The following PAPPA variants were observed in gnomAD, a reference collection of about 807,000 sequenced individuals.
PAPPA encodes the protein pappalysin-1.
A neutral mutation model predicts 164.0 loss-of-function variants in PAPPA; 60 were observed. The observed-to-expected ratio is 0.37, with a 90% CI of 0.30 to 0.45. PAPPA has a LOEUF of 0.45. Among genes scored for constraint, PAPPA ranks in the 20% least tolerant of loss-of-function variants. The pLI is 1.00. For missense variants in PAPPA, 1,782 were observed against 2,087.3 expected (o/e 0.85, Z 2.85); for synonymous variants, 875 against 814.1 (o/e 1.07, Z -1.27).
In PAPPA at chr9:116,187,386, GGT is replaced by G; in HGVS notation, c.650_651del (p.Val217GlyfsTer54). On this transcript the variant is annotated frameshift_variant, in exon 2 of 22. Transcript: ENST00000328252. LOFTEE classifies it high-confidence loss of function. This position sits in a 1 kb window ranked among gnomAD's most constrained non-coding sequence, Gnocchi z 4.2. Reference sequence around the variant, plus strand: ...TGAAGCTCTATGTGAATGGTGCCCAGGTGGCCACCTCTGGGGAACAAGTGGGT... The same window carrying G: ...TGAAGCTCTATGTGAATGGTGCCCAGGGCCACCTCTGGGGAACAAGTGGGT... ...FMKLYVNGAQ[V>X]ATSGEQVGGI... 6.2e-7 allele frequency: 1 copy of G among 1,614,104 alleles called. No individual in the cohort carries two copies.
intron 7 of PAPPA, among the ~76,000 whole-genome samples, chr9:116,239,614 T>G (rs768374777): frequency 6.6e-6 from 1 of 152,206 alleles, no homozygotes; most frequent in Non-Finnish European, 1.5e-5. Flanking sequence ...TTTCCTCTGC[T>G]TTAAGTGCCT....
chr9:116,200,261 T>C (rs764426910), intron 2 of PAPPA, among the ~76,000 whole-genome samples: 6 of 152,220 alleles, frequency 3.9e-5, no homozygotes, highest in Non-Finnish European at 7.3e-5. Flanking sequence ...GTTTATTCTT[T>C]ATGTGAAAAC....
At chr9:116,225,595 C>A (rs943338347) in intron 5 of PAPPA, among the ~76,000 whole-genome samples, 1 of 152,098 alleles carries the variant, frequency 6.6e-6, no homozygotes, top group Non-Finnish European at 1.5e-5. Context: ...ATAAATATTT[C>A]TGCAATAACT....
chr9:116,349,434 A>G (rs1360053712), intron 15 of PAPPA, among the ~76,000 whole-genome samples: 1 of 152,176 alleles, frequency 6.6e-6, no homozygotes, highest in Non-Finnish European at 1.5e-5. Context: ...AGTAACGAAT[A>G]TACAAGATAC....
chr9:116,362,617 GC>G lies in PAPPA; in HGVS notation c.4375del (p.Arg1459GlyfsTer40), dbSNP rs1442691700. ...SQGLGSNVIHCRKDGTWNGSF... is the reference protein window; with the variant it reads ...SQGLGSNVIHXRKDGTWNGSF... ...GGACTTGGGAGCAATGTCATTCATT[GC>G]CGGAAAGATGGCACCTGGAACGGCT... On this transcript the variant is annotated frameshift_variant, in exon 18 of 22. Transcript: ENST00000328252. LOFTEE classifies it high-confidence loss of function. The G allele has an allele frequency of 6.2e-7, 1 of 1,614,000 alleles. No individual in the cohort carries two copies. Among genetic ancestry groups the G allele is most frequent in the Admixed American group, 1.7e-5 (1 of 60,014 alleles).
chr9:116,316,870 G>A (rs1564222762), intron 10 of PAPPA, among the ~76,000 whole-genome samples: 1 of 152,160 alleles, frequency 6.6e-6, no homozygotes, highest in Non-Finnish European at 1.5e-5. Context: ...AAAGCAAAAG[G>A]AAGAGAGCGA....
chr9:116,216,280 T>A (rs557009387), intron 4 of PAPPA, among the ~76,000 whole-genome samples: 1 of 152,258 alleles, frequency 6.6e-6, no homozygotes, highest in African/African-American at 2.4e-5. Flanking sequence ...TGGGTGAAAA[T>A]GTGGCTGACG....
In PAPPA at chr9:116,154,008, C is replaced by A; in HGVS notation, c.-165C>A. 1 of 871,800 alleles carries A rather than the reference C, an allele frequency of 1.1e-6. No individual in the cohort carries two copies. Among genetic ancestry groups the A allele is most frequent in the Non-Finnish European group, 1.5e-6 (1 of 675,642 alleles). The allele number at this position is 871,800 out of a possible 1,614,324, so 54.0% of individuals were successfully genotyped here. A position where few individuals can be genotyped will look rare whatever the true frequency, so the allele number is the denominator to read the frequency against. On this transcript the variant is annotated 5_prime_UTR_variant, in exon 1 of 22. Transcript: ENST00000328252. This position sits in a 1 kb window ranked among gnomAD's most constrained non-coding sequence, Gnocchi z 5.2. ...TCAAAGGTGGGGAGAGTGGAGCACA[C>A]ACCTTGAGGAGGAAAGCGAGAAAGA...
At chr9:116,301,216 G>A (rs1845575813) in intron 9 of PAPPA, among the ~76,000 whole-genome samples, 2 of 152,014 alleles carry the variant, frequency 1.3e-5, no homozygotes, top group African/African-American at 4.8e-5. Flanking sequence ...CTTTTGTCTG[G>A]ACATAATTTT....
intron 8 of PAPPA, among the ~76,000 whole-genome samples, chr9:116,270,151 C>T (rs1356974054): frequency 6.6e-6 from 1 of 152,218 alleles, no homozygotes; most frequent in Admixed American, 6.5e-5. Context: ...CCTCCCAACG[C>T]AAAGTGGGAA....
intron 2 of PAPPA, among the ~76,000 whole-genome samples, chr9:116,207,218 C>A (rs972742901): frequency 6.6e-6 from 1 of 152,134 alleles, no homozygotes; most frequent in Non-Finnish European, 1.5e-5. Context: ...CTACCTACCT[C>A]TGTGTTCATA....
intron 13 of PAPPA, 43 bp from the exon 14 acceptor site, chr9:116,344,500 C>G (rs1368258772): frequency 5.0e-6 from 8 of 1,586,694 alleles, no homozygotes; most frequent in African/African-American, 1.3e-5. Context: ...CATAGCTGTC[C>G]TGTGAGGAGA....
intron 16 of PAPPA, 116 bp from the exon 17 acceptor site, chr9:116,353,506 G>GTGGGGAATCAAAAC (rs1202067533): frequency 2.3e-6 from 2 of 887,626 alleles, no homozygotes; most frequent in East Asian, 4.9e-5. Flanking sequence ...AATAGGTCAG[G>GTGGGGAATCAAAAC]TGGGGAATCA....
chr9:116,267,122 A>G (rs1385447210), intron 8 of PAPPA, among the ~76,000 whole-genome samples: 1 of 152,226 alleles, frequency 6.6e-6, no homozygotes, highest in African/African-American at 2.4e-5. Context: ...TAGAACATGA[A>G]TCAACTCGTA....
Position 116,289,325 on chromosome 9 carries a change from G to GGCATATATATGGCATATATATGC in PAPPA, c.2954-13432_2954-13431insGCATATATATGGCATATATATGC, listed in dbSNP as rs1845400136. Among the ~76,000 whole-genome samples the GGCATATATATGGCATATATATGC allele has an allele frequency of 2.0e-4, 14 of 70,352 alleles. No individual in the cohort carries two copies. The East Asian group carries it at 3.9e-3, about 20-fold the overall frequency. 46.2% of individuals were successfully genotyped at this position (70,352 alleles called of 152,430 possible). A position where few individuals can be genotyped will look rare whatever the true frequency, so the allele number is the denominator to read the frequency against. ...ATAGCATATATATGGCATATATATG[G>GGCATATATATGGCATATATATGC]CATATATATAGCATATATATGGCAT... On this transcript the variant is annotated intron_variant, in intron 9 of 21. Transcript: ENST00000328252.
In PAPPA at chr9:116,169,310, C is replaced by CTTTTTTT. The variant is rs563871496; in HGVS notation, c.415+14744_415+14750dup. On this transcript the variant is annotated intron_variant, in intron 1 of 21. Coordinates refer to ENST00000328252, the MANE Select transcript of PAPPA (RefSeq NM_002581.5). ...GTCCTTCGGCCTCTCCAAACCCATT[C>CTTTTTTT]TTTTTTTTTTTTTTTTTTTTTTTTT... is the stretch of plus-strand genomic sequence containing the variant. Among the ~76,000 whole-genome samples, 115 of 52,150 alleles carry CTTTTTTT rather than the reference C, an allele frequency of 2.2e-3. 24 individuals carry two copies. The highest frequency in any genetic ancestry group is 6.9e-3 in the African/African-American group (95 of 13,726). 34.2% of individuals were successfully genotyped at this position (52,150 alleles called of 152,430 possible). A position where few individuals can be genotyped will look rare whatever the true frequency, so the allele number is the denominator to read the frequency against.
intron 21 of PAPPA, among the ~76,000 whole-genome samples, chr9:116,394,223 G>A (rs928668266): frequency 1.3e-5 from 2 of 152,144 alleles, no homozygotes; most frequent in East Asian, 1.9e-4. Context: ...AGGAAAGATC[G>A]TGAAATACGA....
At chr9:116,209,171 G>T (rs556948200) in intron 3 of PAPPA, among the ~76,000 whole-genome samples, 1 of 152,158 alleles carries the variant, frequency 6.6e-6, no homozygotes, top group Non-Finnish European at 1.5e-5. Flanking sequence ...AGAAGAGAGC[G>T]TGCAGCTTAG....
chr9:116,180,174 G>A (rs1231677875), intron 1 of PAPPA, among the ~76,000 whole-genome samples: 1 of 152,024 alleles, frequency 6.6e-6, no homozygotes, highest in East Asian at 1.9e-4. Context: ...GTGACCATGT[G>A]GTCTAACACT....
Sources: gnomAD v4.1 joint callset for allele counts (sites outside exome capture counted in the v4.1 genomes callset) on GRCh38, gnomAD v4.1.1 for gene constraint, Gnocchi (gnomAD v3.1) non-coding constraint, MANE v1.5 for transcripts, NCBI Gene and HGNC (gene_info 2026-07-23, HGNC 2026-07-21) for gene names.